The following PIEZO2 variants were observed in gnomAD, a reference collection of about 807,000 sequenced individuals.
PIEZO2 encodes the protein piezo-type mechanosensitive ion channel component 2.
Under a neutral mutation model 337.3 loss-of-function variants are expected in PIEZO2, and 172 were observed. That is an observed-to-expected ratio of 0.51 (90% CI 0.45 to 0.58). PIEZO2 has a LOEUF of 0.58. Among genes scored for constraint, PIEZO2 ranks in the 20% least tolerant of loss-of-function variants. The pLI is 0.00. For missense variants in PIEZO2, 3,028 were observed against 3,391.3 expected, an observed-to-expected ratio of 0.89 and a Z score of 2.66; for synonymous variants, 1,251 against 1,228.5, an observed-to-expected ratio of 1.02 and a Z score of -0.38.
At chr18:10,886,795 C>A (rs1354951859) in intron 4 of PIEZO2, among the ~76,000 whole-genome samples, 2 of 151,714 alleles carry the variant, frequency 1.3e-5, no homozygotes, top group Non-Finnish European at 2.9e-5. Context: ...CAAATAAGGA[C>A]CTTCTAATAA....
intron 3 of PIEZO2, among the ~76,000 whole-genome samples, chr18:10,931,101 G>A (rs1043095783): frequency 4.6e-5 from 7 of 152,052 alleles, no homozygotes; most frequent in African/African-American, 1.4e-4. Flanking sequence ...CTGAGGTGTA[G>A]ATCTCAACTG....
chr18:10,897,608 G>A (rs531515785), intron 4 of PIEZO2, among the ~76,000 whole-genome samples: 22 of 152,172 alleles, frequency 1.4e-4, no homozygotes, highest in Non-Finnish European at 2.6e-4. Flanking sequence ...CCTCAGCCAC[G>A]TGGAACTGTG....
At position 10,713,519 on chromosome 18, in the gene PIEZO2, G is replaced by A. The variant is rs73943379; in HGVS notation, c.5423+1245C>T. The stretch of plus-strand genomic sequence containing the variant: ...TACTTTTCCAGGTCATTAGTGCCTC[G>A]CTCTAAAGTGTGACTCTAAAGCCAT... On this transcript the variant is annotated intron_variant, in intron 39 of 55. Transcript: ENST00000674853. The surrounding 1 kb of genome is among the most constrained non-coding windows in gnomAD (Gnocchi z 4.5). Among the ~76,000 whole-genome samples, 1,537 of 152,152 alleles carry A rather than the reference G, an allele frequency of 0.01. 38 individuals are homozygous for A. Among genetic ancestry groups the A allele is most frequent in the African/African-American group, 0.034 (1,428 of 41,518 alleles).
rs551251389 is a variant in PIEZO2, at chr18:11,096,119, C to T, written c.65-29897G>A. ...CAAGTGAGGCTTCCATTCTCTAAGC[C>T]GGTCCACATGGAGCCCTCACTCTGT... is the stretch of plus-strand genomic sequence containing the variant. On this transcript the variant is annotated intron_variant, in intron 1 of 55. Coordinates refer to ENST00000674853, the MANE Select transcript of PIEZO2 (RefSeq NM_001378183.1). The surrounding 1 kb of genome is among the most constrained non-coding windows in gnomAD (Gnocchi z 4.6). Among the ~76,000 whole-genome samples the T allele has an allele frequency of 1.4e-4, 21 of 152,314 alleles. No homozygotes were observed. The highest frequency in any genetic ancestry group is 7.7e-4 in the East Asian group (4 of 5,182).
chr18:10,818,158 A>C (rs959820227), intron 7 of PIEZO2, among the ~76,000 whole-genome samples: 5 of 152,200 alleles, frequency 3.3e-5, no homozygotes, highest in Admixed American at 6.5e-5. Context: ...TTAAAGAAGT[A>C]GTCATACTTC....
intron 21 of PIEZO2, among the ~76,000 whole-genome samples, chr18:10,769,263 C>T (rs1043529526): frequency 1.3e-5 from 2 of 152,194 alleles, no homozygotes; most frequent in Admixed American, 6.5e-5. Context: ...GCCATTTCCC[C>T]ACGAATCTCG....
intron 16 of PIEZO2, 104 bp from the exon 17 acceptor site, chr18:10,785,061 A>T (rs1281413193): frequency 7.9e-7 from 1 of 1,265,994 alleles, no homozygotes; most frequent in Non-Finnish European, 1.1e-6. Flanking sequence ...TGTCAGGTCT[A>T]TCGTTTATTG....
chr18:10,696,022 A>T (rs960662503), intron 47 of PIEZO2, 52 bp downstream of exon 47: 4 of 1,529,948 alleles, frequency 2.6e-6, no homozygotes, highest in Non-Finnish European at 3.6e-6. Flanking sequence ...TCACCTCAGG[A>T]AACACAGTTG....
At position 10,676,217 on chromosome 18, in the gene PIEZO2, T is replaced by C. The variant is rs1483101932; in HGVS notation, c.8082-929A>G. ...GAGGTGATAGGAGAGGATCTGACAG[T>C]CTCCAAGGGCCCTTCAACTTTAGTG... On this transcript the variant is annotated intron_variant, in intron 53 of 55. Coordinates refer to ENST00000674853, the MANE Select transcript of PIEZO2 (RefSeq NM_001378183.1). This position sits in a 1 kb window ranked among gnomAD's most constrained non-coding sequence, Gnocchi z 5.1. Among the ~76,000 whole-genome samples, 1 of 152,106 alleles carries C rather than the reference T, an allele frequency of 6.6e-6. No individual in the cohort carries two copies. Among genetic ancestry groups the C allele is most frequent in the East Asian group, 1.9e-4 (1 of 5,198 alleles).
At chr18:10,706,097 G>A (rs2035575037) in intron 40 of PIEZO2, among the ~76,000 whole-genome samples, 1 of 152,112 alleles carries the variant, frequency 6.6e-6, no homozygotes, top group Non-Finnish European at 1.5e-5. Context: ...CTTACCCACT[G>A]CTCTGTCTGC....
chr18:10,898,177 A>G (rs1276963400), intron 4 of PIEZO2, among the ~76,000 whole-genome samples: 2 of 152,242 alleles, frequency 1.3e-5, no homozygotes, highest in Non-Finnish European at 2.9e-5. Flanking sequence ...GACTCTGTAT[A>G]TATTTAGACA....
At chr18:10,996,668 TC>T (rs1426081385) in intron 2 of PIEZO2, among the ~76,000 whole-genome samples, 1 of 152,260 alleles carries the variant, frequency 6.6e-6, no homozygotes, top group Admixed American at 6.5e-5. Context: ...AGTACTTCAT[TC>T]TTTTTATGGC....
intron 7 of PIEZO2, among the ~76,000 whole-genome samples, chr18:10,825,175 T>C (rs1443660002): frequency 6.6e-6 from 1 of 152,180 alleles, no homozygotes; most frequent in East Asian, 1.9e-4. Flanking sequence ...CCTAATGTCC[T>C]TTATCCACAC....
At chr18:10,675,501 A>G (rs1341802474) in intron 53 of PIEZO2, among the ~76,000 whole-genome samples, 1 of 152,188 alleles carries the variant, frequency 6.6e-6, no homozygotes, top group Non-Finnish European at 1.5e-5. Flanking sequence ...CTGTATCTGC[A>G]TGTAAGTCTG....
chr18:10,687,886 C>G (rs887142388), intron 49 of PIEZO2, among the ~76,000 whole-genome samples: 3 of 152,328 alleles, frequency 2.0e-5, no homozygotes, highest in Admixed American at 6.5e-5. Flanking sequence ...ATAGCAGCCA[C>G]AGGACTGACT....
intron 2 of PIEZO2, among the ~76,000 whole-genome samples, chr18:10,995,895 C>T (rs1416507313): frequency 1.3e-5 from 2 of 151,674 alleles, no homozygotes; most frequent in Non-Finnish European, 2.9e-5. Context: ...GCTGAGAAGC[C>T]CATAAAATGC....
chr18:10,881,220 T>C (rs1248918298), intron 4 of PIEZO2, among the ~76,000 whole-genome samples: 1 of 152,076 alleles, frequency 6.6e-6, no homozygotes, highest in East Asian at 1.9e-4. Context: ...TCAGGAGATA[T>C]ATAGATATGT....
intron 27 of PIEZO2, among the ~76,000 whole-genome samples, chr18:10,756,531 G>T: frequency 6.7e-6 from 1 of 148,604 alleles, no homozygotes; most frequent in African/African-American, 2.5e-5. Flanking sequence ...GGAAGGATGA[G>T]GATGAGTAGG....
At chr18:11,049,590 T>C (rs1468678435) in intron 2 of PIEZO2, among the ~76,000 whole-genome samples, 1 of 152,218 alleles carries the variant, frequency 6.6e-6, no homozygotes, top group Non-Finnish European at 1.5e-5. Flanking sequence ...GAATTGTAGC[T>C]GTCATAATTC....
Sources: gnomAD v4.1 joint callset for allele counts (sites outside exome capture counted in the v4.1 genomes callset) on GRCh38, gnomAD v4.1.1 for gene constraint, Gnocchi (gnomAD v3.1) non-coding constraint, MANE v1.5 for transcripts, NCBI Gene and HGNC (gene_info 2026-07-23, HGNC 2026-07-21) for gene names.